GPR39: variants seen among roughly 807,000 people sequenced by gnomAD.
GPR39 encodes G protein-coupled receptor 39, also known as zinc sensing receptor.
In GPR39, 23 loss-of-function variants were observed where a neutral mutation model predicts 18.4. The ratio of observed to expected loss-of-function variants is 1.25; its 90% CI spans 0.90 to 1.77. The LOEUF is 1.77. GPR39 is among the 40% of genes most tolerant of loss of function. GPR39 has a pLI of 0.00. For missense variants in GPR39, 647 were observed against 602.4 expected, an observed-to-expected ratio of 1.07 and a Z score of -0.78; for synonymous variants, 280 against 257.9, an observed-to-expected ratio of 1.09 and a Z score of -0.82.
At chr2:132,556,795 A>G (rs1680159838) in intron 1 of GPR39, among the ~76,000 whole-genome samples, 1 of 152,080 alleles carries the variant, frequency 6.6e-6, no homozygotes, top group Admixed American at 6.6e-5. Flanking sequence ...GCACAACCTC[A>G]TAGACACTCC....
chr2:132,621,254 C>T (rs1431854922), intron 1 of GPR39, among the ~76,000 whole-genome samples: 2 of 152,286 alleles, frequency 1.3e-5, no homozygotes, highest in South Asian at 2.1e-4. Flanking sequence ...GAAAACGGGT[C>T]CCTGAACTCA....
chr2:132,435,118 G>T (rs755271900), intron 1 of GPR39, among the ~76,000 whole-genome samples: 1 of 152,104 alleles, frequency 6.6e-6, no homozygotes, highest in Non-Finnish European at 1.5e-5. Flanking sequence ...AAAGCAAACG[G>T]TGAAAGAAGG....
At chr2:132,452,006 A>G (rs539527827) in intron 1 of GPR39, among the ~76,000 whole-genome samples, 1 of 152,270 alleles carries the variant, frequency 6.6e-6, no homozygotes, top group Admixed American at 6.5e-5. Flanking sequence ...TGTAAGTTCA[A>G]ATATGGTTCA....
At chr2:132,533,248 G>A (rs1679675668) in intron 1 of GPR39, among the ~76,000 whole-genome samples, 1 of 152,066 alleles carries the variant, frequency 6.6e-6, no homozygotes, top group Admixed American at 6.6e-5. Flanking sequence ...ATTCACAATT[G>A]CTTCAAAGAG....
intron 1 of GPR39, among the ~76,000 whole-genome samples, chr2:132,487,406 C>T (rs1020412302): frequency 3.9e-5 from 6 of 152,126 alleles, no homozygotes; most frequent in African/African-American, 1.4e-4. Flanking sequence ...CACATGTCTT[C>T]AATTTATTTT....
At chr2:132,446,872 A>G (rs1260216134) in intron 1 of GPR39, among the ~76,000 whole-genome samples, 1 of 152,168 alleles carries the variant, frequency 6.6e-6, no homozygotes, top group Non-Finnish European at 1.5e-5. Flanking sequence ...TTTTTCTAGT[A>G]TGCAGAGACA....
At chr2:132,572,748 C>T (rs1680463677) in intron 1 of GPR39, among the ~76,000 whole-genome samples, 1 of 152,100 alleles carries the variant, frequency 6.6e-6, no homozygotes, top group East Asian at 1.9e-4. Flanking sequence ...GTCAGATAGC[C>T]ACACTGCCTA....
intron 1 of GPR39, among the ~76,000 whole-genome samples, chr2:132,448,033 TA>T (rs758307361): frequency 1.1e-4 from 17 of 152,170 alleles, no homozygotes; most frequent in Non-Finnish European, 2.4e-4. Context: ...AGGACTTGAT[TA>T]GAATGGGTAA....
intron 1 of GPR39, among the ~76,000 whole-genome samples, chr2:132,425,176 A>C (rs561852286): frequency 3.5e-4 from 54 of 152,308 alleles, no homozygotes; most frequent in African/African-American, 1.2e-3. Flanking sequence ...GATATATCTC[A>C]GTGCCTCCCA....
At chr2:132,565,845 A>C (rs1220360628) in intron 1 of GPR39, among the ~76,000 whole-genome samples, 1 of 151,024 alleles carries the variant, frequency 6.6e-6, no homozygotes, top group Non-Finnish European at 1.5e-5. Flanking sequence ...ATTGTGAATA[A>C]TGCTGCAATA....
At chr2:132,495,888 TC>T (rs1681632881) in intron 1 of GPR39, among the ~76,000 whole-genome samples, 1 of 152,110 alleles carries the variant, frequency 6.6e-6, no homozygotes, top group South Asian at 2.1e-4. Context: ...ACTTTGCACT[TC>T]TTTAGTCCTT....
chr2:132,644,313 T>C (rs1011901177), intron 1 of GPR39, among the ~76,000 whole-genome samples: 11 of 152,340 alleles, frequency 7.2e-5, no homozygotes, highest in African/African-American at 2.6e-4. Flanking sequence ...TAGGGCCTGA[T>C]TGCTTCTGGG....
chr2:132,628,495 A>C (rs1046344001), intron 1 of GPR39, among the ~76,000 whole-genome samples: 1 of 152,166 alleles, frequency 6.6e-6, no homozygotes, highest in Non-Finnish European at 1.5e-5. Flanking sequence ...CCTCTCCAGA[A>C]AATAATTGGG....
intron 1 of GPR39, among the ~76,000 whole-genome samples, chr2:132,492,666 A>ATC (rs1491246770): frequency 7.4e-6 from 1 of 135,068 alleles, no homozygotes; most frequent in African/African-American, 2.9e-5. Flanking sequence ...TATACACACC[A>ATC]TATATATATA....
intron 1 of GPR39, among the ~76,000 whole-genome samples, chr2:132,580,392 C>T (rs1037674871): frequency 6.6e-6 from 1 of 152,262 alleles, no homozygotes; most frequent in African/African-American, 2.4e-5. Flanking sequence ...GTCACAGGGA[C>T]ATTAGCAGGA....
intron 1 of GPR39, among the ~76,000 whole-genome samples, chr2:132,552,403 T>C (rs1322661716): frequency 2.0e-5 from 3 of 152,126 alleles, no homozygotes; most frequent in Admixed American, 1.3e-4. Flanking sequence ...CCTTGTGAGA[T>C]GCCTGTTCCA....
At chr2:132,606,874 A>G (rs1681147804) in intron 1 of GPR39, among the ~76,000 whole-genome samples, 2 of 152,132 alleles carry the variant, frequency 1.3e-5, no homozygotes, top group South Asian at 4.1e-4. Context: ...CCCCTGGCAG[A>G]ACTCCCCCTG....
At chr2:132,478,138 A>G (rs1175012224) in intron 1 of GPR39, among the ~76,000 whole-genome samples, 1 of 152,234 alleles carries the variant, frequency 6.6e-6, no homozygotes, top group African/African-American at 2.4e-5. Context: ...ATGACTCTTT[A>G]AAAACCACAA....
chr2:132,491,866 C>T (rs1681468372), intron 1 of GPR39, among the ~76,000 whole-genome samples: 1 of 151,752 alleles, frequency 6.6e-6, no homozygotes. Context: ...AAGGTAGATG[C>T]TAATGATGCT....
Sources: allele counts gnomAD v4.1 joint callset (sites outside exome capture counted in the v4.1 genomes callset), GRCh38; gene constraint gnomAD v4.1.1; transcripts MANE v1.5; gene names NCBI Gene and HGNC (gene_info 2026-07-23, HGNC 2026-07-21).